TXK: variants seen among roughly 807,000 people sequenced by gnomAD.
The protein encoded by TXK is tyrosine-protein kinase TXK.
In TXK, 60 loss-of-function variants were observed where a neutral mutation model predicts 81.0. The observed-to-expected ratio is 0.74, with a 90% CI of 0.60 to 0.92. The LOEUF (loss-of-function observed/expected upper bound fraction) is 0.92, where lower values mean the gene tolerates loss of function less well. Among genes scored for constraint, TXK ranks in the 40% least tolerant of loss-of-function variants. The pLI, the probability that TXK is intolerant of heterozygous loss-of-function variation, is 0.00. For missense variants in TXK, 581 were observed against 638.3 expected (o/e 0.91, Z 0.97); for synonymous variants, 203 against 210.7 (o/e 0.96, Z 0.32).
intron 1 of TXK, among the ~76,000 whole-genome samples, chr4:48,127,700 T>A (rs1577683411): frequency 6.6e-6 from 1 of 152,204 alleles, no homozygotes; most frequent in East Asian, 1.9e-4. Context: ...TCAGTAAATA[T>A]CTCTAATGAT....
intron 1 of TXK, among the ~76,000 whole-genome samples, chr4:48,117,103 G>C (rs1718833237): frequency 6.6e-6 from 1 of 152,168 alleles, no homozygotes; most frequent in African/African-American, 2.4e-5. Flanking sequence ...GGCCAGCCTA[G>C]TCTCGGACTC....
At chr4:48,074,320 T>C (rs946561272) in intron 12 of TXK, among the ~76,000 whole-genome samples, 2 of 152,204 alleles carry the variant, frequency 1.3e-5, no homozygotes, top group African/African-American at 4.8e-5. Flanking sequence ...ATGTTAATTA[T>C]GGTAAATTCT....
At position 48,119,515 on chromosome 4, in the gene TXK, C is replaced by T. The variant is rs77774379; in HGVS notation, c.17-5113G>A. On this transcript the variant is annotated intron_variant, in intron 1 of 14. Coordinates refer to ENST00000264316, the MANE Select transcript of TXK (RefSeq NM_003328.3). ...TTGCACCCACTGCTGTTTCATTGCT[C>T]CCCCCGATTTCTCTCTTCCTTTCTC... Among the ~76,000 whole-genome samples the T allele has an allele frequency of 5.1e-3, 781 of 151,708 alleles. 4 individuals carry two copies. The highest frequency in any genetic ancestry group is 0.017 in the Middle Eastern group (5 of 294).
intron 1 of TXK, among the ~76,000 whole-genome samples, chr4:48,115,520 T>A (rs1718777666): frequency 6.6e-6 from 1 of 152,168 alleles, no homozygotes; most frequent in South Asian, 2.1e-4. Flanking sequence ...TCAAGCTTCA[T>A]CTTTATTGAA....
At chr4:48,104,205 A>AAT (rs145416420) in intron 6 of TXK, among the ~76,000 whole-genome samples, 2 of 15,340 alleles carry the variant, frequency 1.3e-4, no homozygotes, top group Non-Finnish European at 2.1e-4. Flanking sequence ...CATGTCTCAA[A>AAT]ATATATATAT....
chr4:48,112,416 A>G lies in TXK; in HGVS notation c.271T>C (p.Tyr91His). The G allele has an allele frequency of 6.2e-7, 1 of 1,614,190 alleles. No homozygotes were observed. The highest frequency in any genetic ancestry group is 8.5e-7 in the Non-Finnish European group (1 of 1,180,026). ...CAGGGTTCTCTGGGCAGAAAATCAT[A>G]AAGTGCCTTGACTTGGATCTTCTCT... ...AEEKIQVKAL[Y>H]DFLPREPCNL... The change falls in exon 4 of 15, where the codon TAT (tyrosine) becomes CAT (histidine). Residue 91 changes from tyrosine (Y) to histidine (H), a missense_variant. By Grantham distance (83) the Tyr-to-His change is moderately conservative. Transcript: ENST00000264316.
At chr4:48,125,216 T>C (rs1719058019) in intron 1 of TXK, among the ~76,000 whole-genome samples, 1 of 152,162 alleles carries the variant, frequency 6.6e-6, no homozygotes, top group South Asian at 2.1e-4. Context: ...AGCATCACAA[T>C]AGGACTATCC....
In TXK at chr4:48,080,109, GC is replaced by G; in HGVS notation, c.975del (p.Lys325AsnfsTer2). 6.2e-7 allele frequency: 1 copy of G among 1,613,070 alleles called. No homozygotes were observed. Among genetic ancestry groups the G allele is most frequent in the Non-Finnish European group, 8.5e-7 (1 of 1,179,102 alleles). On this transcript the variant is annotated frameshift_variant, in exon 11 of 15. Coordinates refer to ENST00000264316, the MANE Select transcript of TXK (RefSeq NM_003328.3). LOFTEE classifies it high-confidence loss of function. ...AKVMMKLSHSKLVQLYGVCIQ... is the reference protein window; with the variant it reads ...AKVMMKLSHSXLVQLYGVCIQ... ...ATACAGACTCCATAAAGTTGCACTA[GC>G]TTTGAATGAGATAATTTCCTGGTGA... is the stretch of plus-strand genomic sequence containing the variant.
rs76218550 is a variant in TXK at position 48,082,736 on chromosome 4, G to A, written c.957-2608C>T. ...CCCCTATCCTGTACCCATACAAATCGCAAACTCCAGGTCCAGAAGCAGATG... is the reference window on the plus strand; with the variant it reads ...CCCCTATCCTGTACCCATACAAATCACAAACTCCAGGTCCAGAAGCAGATG... On this transcript the variant is annotated intron_variant, in intron 10 of 14. Transcript: ENST00000264316. 1.3e-4 allele frequency among the ~76,000 whole-genome samples: 20 copies of A among 152,176 alleles called. No homozygotes were observed. In the East Asian group the frequency reaches 3.9e-3, roughly 29 times the overall value.
At chr4:48,081,562 T>C (rs930188848) in intron 10 of TXK, among the ~76,000 whole-genome samples, 10 of 152,204 alleles carry the variant, frequency 6.6e-5, no homozygotes, top group African/African-American at 1.9e-4. Flanking sequence ...TTAAATTTGT[T>C]ATTTAAATAT....
chr4:48,119,817 A>G (rs931988673), intron 1 of TXK, among the ~76,000 whole-genome samples: 1 of 152,150 alleles, frequency 6.6e-6, no homozygotes, highest in Non-Finnish European at 1.5e-5. Flanking sequence ...TTTGGCAGGA[A>G]TGGGTCTCAT....
chr4:48,077,395 A>G (rs925871551), intron 11 of TXK, among the ~76,000 whole-genome samples: 2 of 152,222 alleles, frequency 1.3e-5, no homozygotes, highest in African/African-American at 2.4e-5. Context: ...AGATGCCAGC[A>G]AGTCCTAGCA....
At chr4:48,116,801 G>A (rs1476917438) in intron 1 of TXK, among the ~76,000 whole-genome samples, 2 of 152,236 alleles carry the variant, frequency 1.3e-5, no homozygotes, top group African/African-American at 4.8e-5. Flanking sequence ...GCAAACAGCA[G>A]GCTGGTGAAA....
At chr4:48,115,578 G>T (rs1444754367) in intron 1 of TXK, among the ~76,000 whole-genome samples, 4 of 152,164 alleles carry the variant, frequency 2.6e-5, no homozygotes, top group Non-Finnish European at 4.4e-5. Flanking sequence ...CAAGGGTGGT[G>T]GCTCATGCCG....
In TXK at chr4:48,112,387, A is replaced by ACCC; in HGVS notation, c.299_300insGGG (p.Asn100delinsLysGly). The ACCC allele has an allele frequency of 6.2e-7, 1 of 1,614,128 alleles. No homozygotes were observed. The highest frequency in any genetic ancestry group is 1.7e-5 in the Admixed American group (1 of 60,014). ...ATTCTTCTGCTCTCCTTAAGGCTAA[A>ACCC]TTACAGGGTTCTCTGGGCAGAAAAT... On this transcript the variant is annotated protein_altering_variant, in exon 4 of 15. Transcript: ENST00000264316.
At chr4:48,102,151 G>C (rs949569789) in intron 6 of TXK, among the ~76,000 whole-genome samples, 4 of 151,986 alleles carry the variant, frequency 2.6e-5, no homozygotes, top group African/African-American at 9.7e-5. Flanking sequence ...GCTAATTTTT[G>C]TATTTTCAGG....
At position 48,095,188 on chromosome 4, in the gene TXK, C is replaced by G; in HGVS notation, c.536G>C (p.Arg179Thr). 1.2e-6 allele frequency: 2 copies of G among 1,613,606 alleles called. No homozygotes were observed. The highest frequency in any genetic ancestry group is 1.7e-6 in the Non-Finnish European group (2 of 1,179,798). Residue 179 changes from arginine to threonine, a missense_variant, in exon 7 of 15, where the codon AGA becomes ACA. By Grantham distance (71) the Arg-to-Thr change is moderately conservative. Coordinates refer to ENST00000264316, the MANE Select transcript of TXK (RefSeq NM_003328.3). The stretch of plus-strand genomic sequence containing the variant: ...GGAAATTGTGTAGGATCCTAAATGT[C>G]TTGAATCTCTGACAATAAATGCACC... ...KEGAFIVRDS[R>T]HLGSYTISVF...
chr4:48,069,130 T>C (rs964172060), intron 14 of TXK, among the ~76,000 whole-genome samples: 1 of 128,766 alleles, frequency 7.8e-6, no homozygotes, highest in African/African-American at 2.9e-5. Context: ...TGAGACCCCA[T>C]CTCTAGAAAA....
chr4:48,085,229 A>AATGG (rs1434476535), intron 10 of TXK, among the ~76,000 whole-genome samples: 1 of 152,154 alleles, frequency 6.6e-6, no homozygotes, highest in African/African-American at 2.4e-5. Context: ...AGTTGTGTCC[A>AATGG]ATGGTCTACA....
Sources: gnomAD v4.1 joint callset for allele counts (sites outside exome capture counted in the v4.1 genomes callset) on GRCh38, gnomAD v4.1.1 for gene constraint, MANE v1.5 for transcripts, NCBI Gene and HGNC (gene_info 2026-07-23, HGNC 2026-07-21) for gene names.